Variants in ANKRD27 observed in about 807,000 individuals in gnomAD.
The protein encoded by ANKRD27 is ankyrin repeat domain 27.
In ANKRD27, 112 loss-of-function variants were observed where a neutral mutation model predicts 129.7. The observed-to-expected ratio is 0.86, with a 90% CI of 0.74 to 1.01. The LOEUF is 1.01. Ranked by LOEUF, ANKRD27 falls within the 50% of genes least tolerant of loss-of-function variation. The probability of loss-of-function intolerance (pLI) is 0.00; values close to 1 mark genes in which losing one functional copy is unlikely to be tolerated. For missense variants in ANKRD27, 1,258 were observed against 1,300.5 expected (o/e 0.97, Z 0.50); for synonymous variants, 516 against 511.2 (o/e 1.01, Z -0.13).
In ANKRD27 at chr19:32,646,626, G is replaced by A. The variant is rs748309636; in HGVS notation, c.214-11C>T. 1.1e-5 allele frequency: 18 copies of A among 1,611,074 alleles called. No homozygotes were observed. The African/African-American group carries it at 2.1e-4, about 19-fold the overall frequency. ...TTGAATAAAGACATCCTGGAAACAA[G>A]AAAGCCATCACTGCACCAGCAGCCG... On this transcript the variant is annotated splice_polypyrimidine_tract_variant and intron_variant, in intron 3 of 28. Transcript: ENST00000306065.
intron 4 of ANKRD27, among the ~76,000 whole-genome samples, chr19:32,646,243 AT>A (rs1314383881): frequency 6.6e-6 from 1 of 151,234 alleles, no homozygotes; most frequent in Admixed American, 6.6e-5. Flanking sequence ...GATTTTTTTA[AT>A]TTTTTTATAG....
intron 22 of ANKRD27, among the ~76,000 whole-genome samples, chr19:32,608,741 C>T (rs1971789269): frequency 6.6e-6 from 1 of 152,128 alleles, no homozygotes; most frequent in South Asian, 2.1e-4. Flanking sequence ...CACCTGAGGT[C>T]AGGAGTTCTA....
At chr19:32,606,389 G>A (rs967308525) in intron 23 of ANKRD27, among the ~76,000 whole-genome samples, 9 of 152,004 alleles carry the variant, frequency 5.9e-5, no homozygotes, top group Non-Finnish European at 1.2e-4. Context: ...CTTGACCTCA[G>A]GTGATCCACC....
Position 32,648,798 on chromosome 19 carries a change from C to CAA in ANKRD27, c.213+882_213+883dup, listed in dbSNP as rs34589766. 2.0e-3 allele frequency among the ~76,000 whole-genome samples: 205 copies of CAA among 100,138 alleles called. 1 individual carries two copies. The highest frequency in any genetic ancestry group is 7.5e-3 in the Middle Eastern group (1 of 134). 65.7% of individuals were successfully genotyped at this position (100,138 alleles called of 152,430 possible). On this transcript the variant is annotated intron_variant, in intron 3 of 28. Transcript: ENST00000306065. ...CTGGTGACAGAGCAAGATTCCATCT[C>CAA]AAAAAAAAAAAAAAAGATTCAAAAT...
chr19:32,659,109 T>G, intron 1 of ANKRD27, 64 bp from the exon 2 acceptor site: 1 of 727,520 alleles, frequency 1.4e-6, no homozygotes, highest in Non-Finnish European at 2.4e-6. Context: ...CATGAAAGTC[T>G]GCATCTGATG....
At chr19:32,608,442 A>AAC in intron 22 of ANKRD27, 1 of 337,128 alleles carries the variant, frequency 3.0e-6, no homozygotes, top group Non-Finnish European at 6.0e-6. Flanking sequence ...CGCTATAAGA[A>AAC]ACAGTGATTC....
chr19:32,667,529 C>T (rs1161513664), intron 1 of ANKRD27, among the ~76,000 whole-genome samples: 1 of 152,128 alleles, frequency 6.6e-6, no homozygotes. Flanking sequence ...AATGGTATCA[C>T]TTCCAACGAA....
In ANKRD27 at chr19:32,597,234, A is replaced by AAAAAT. The variant is rs1971583404; in HGVS notation, c.*906_*910dup. On this transcript the variant is annotated 3_prime_UTR_variant, in exon 29 of 29. Coordinates refer to ENST00000306065, the MANE Select transcript of ANKRD27 (RefSeq NM_032139.3). ...ACGTGTAGCTCTAGGCCAATAACATAAAAATAACAGTATAATCTATAGAAA... is the reference window on the plus strand; with the variant it reads ...ACGTGTAGCTCTAGGCCAATAACATAAAAATAAAATAACAGTATAATCTATAGAAA... 6.6e-6 allele frequency: 1 copy of AAAAAT among 152,072 alleles called. No individual in the cohort carries two copies. Among genetic ancestry groups the AAAAAT allele is most frequent in the African/African-American group, 2.4e-5 (1 of 40,896 alleles). The allele number at this position is 152,072 out of a possible 1,614,324, so 9.4% of individuals were successfully genotyped here.
intron 12 of ANKRD27, among the ~76,000 whole-genome samples, chr19:32,635,701 G>A (rs914626825): frequency 7.2e-5 from 11 of 152,018 alleles, no homozygotes; most frequent in African/African-American, 2.4e-4. Context: ...AGCCACATCC[G>A]AGATGCGATG....
chr19:32,607,791 C>T lies in ANKRD27; in HGVS notation c.2217G>A (p.Val739=), dbSNP rs747705779. 6.2e-7 allele frequency: 1 copy of T among 1,610,810 alleles called. No homozygotes were observed. The highest frequency in any genetic ancestry group is 8.5e-7 in the Non-Finnish European group (1 of 1,178,910). Residue 739 remains valine (V), a synonymous_variant, in exon 23 of 29, where the codon GTG becomes GTA. Coordinates refer to ENST00000306065, the MANE Select transcript of ANKRD27 (RefSeq NM_032139.3). ...GCGGGGAGGAGCCGTCCTGGCTGGTCACGTTCACACCAAGCCCACTGGCAG... is the reference window on the plus strand; with the variant it reads ...GCGGGGAGGAGCCGTCCTGGCTGGTTACGTTCACACCAAGCCCACTGGCAG... ...KVPASGLGVN[V]TSQDGSSPLH...
chr19:32,631,441 G>C lies in ANKRD27; in HGVS notation c.1170C>G (p.Leu390=). ...RLFLKQRMSL[L]SQMTSSPTDC... is the part of the protein sequence containing the mutation. The stretch of plus-strand genomic sequence containing the variant: ...CGGTGGGAGACGAAGTCATCTGAGA[G>C]AGTAAGCTCATTCTCTGCTTAAGGA... Residue 390 remains leucine (L), a synonymous_variant, in exon 13 of 29, where the codon CTC becomes CTG. Coordinates refer to ENST00000306065, the MANE Select transcript of ANKRD27 (RefSeq NM_032139.3). 6.2e-7 allele frequency: 1 copy of C among 1,614,148 alleles called. No individual in the cohort carries two copies. The highest frequency in any genetic ancestry group is 8.5e-7 in the Non-Finnish European group (1 of 1,180,024).
intron 26 of ANKRD27, 52 bp downstream of exon 26, chr19:32,601,963 A>G: frequency 8.8e-7 from 1 of 1,131,002 alleles, no homozygotes; most frequent in Non-Finnish European, 1.3e-6. Flanking sequence ...ACTACTCATG[A>G]ATGTCTAAAT....
chr19:32,602,831 GTGAGCCAAGATTGCAC>G (rs1225750215), intron 25 of ANKRD27, among the ~76,000 whole-genome samples: 13 of 152,192 alleles, frequency 8.5e-5, no homozygotes, highest in Admixed American at 6.5e-4. Context: ...TAAGGCTGCA[GTGAGCCAAGATTGCAC>G]CATTATACTC....
intron 12 of ANKRD27, chr19:32,636,377 T>C (rs1179380994): frequency 6.5e-6 from 1 of 153,772 alleles, no homozygotes; most frequent in Non-Finnish European, 1.4e-5. Flanking sequence ...GGGGAGACCC[T>C]ATGAAGGGGC....
At chr19:32,613,731 C>T (rs1971868019) in intron 22 of ANKRD27, among the ~76,000 whole-genome samples, 1 of 126,680 alleles carries the variant, frequency 7.9e-6, no homozygotes, top group Non-Finnish European at 1.6e-5. Context: ...TTTTTTGAGA[C>T]GGAGTCTTGC....
chr19:32,620,499 G>A (rs1971992351), intron 18 of ANKRD27, among the ~76,000 whole-genome samples: 2 of 151,774 alleles, frequency 1.3e-5, no homozygotes, highest in African/African-American at 4.8e-5. Flanking sequence ...AACCTGGGAG[G>A]TGGAAGTTGC....
At chr19:32,626,468 C>A (rs1196647246) in intron 16 of ANKRD27, among the ~76,000 whole-genome samples, 1 of 152,168 alleles carries the variant, frequency 6.6e-6, no homozygotes, top group Non-Finnish European at 1.5e-5. Flanking sequence ...GCTACCACAT[C>A]TGGCCAGGAA....
At chr19:32,665,748 C>T (rs7253942) in intron 1 of ANKRD27, among the ~76,000 whole-genome samples, 15,994 of 151,756 alleles carry the variant, frequency 0.11, 1,093 homozygotes, top group East Asian at 0.26. Flanking sequence ...CATGAGCCAC[C>T]GCGCCCAGCC....
At chr19:32,633,244 T>C (rs1166291902) in intron 12 of ANKRD27, among the ~76,000 whole-genome samples, 2 of 151,930 alleles carry the variant, frequency 1.3e-5, no homozygotes, top group Admixed American at 1.3e-4. Flanking sequence ...AAATCCTTTC[T>C]ATGAGAAACC....
Sources: allele counts gnomAD v4.1 joint callset (sites outside exome capture counted in the v4.1 genomes callset), GRCh38; gene constraint gnomAD v4.1.1; transcripts MANE v1.5; gene names NCBI Gene and HGNC (gene_info 2026-07-23, HGNC 2026-07-21).